The following SCGN variants were observed in gnomAD, a reference collection of about 807,000 sequenced individuals.
The protein encoded by SCGN is secretagogin, EF-hand calcium binding protein.
Under a neutral mutation model 39.7 loss-of-function variants are expected in SCGN, and 30 were observed. The observed-to-expected ratio is 0.76, with a 90% CI of 0.57 to 1.03. The LOEUF is 1.03. SCGN is among the 50% of genes least tolerant of loss of function. SCGN has a pLI of 0.00. For missense variants in SCGN, 353 were observed against 349.4 expected, an observed-to-expected ratio of 1.01 and a Z score of -0.08; for synonymous variants, 106 against 114.1, an observed-to-expected ratio of 0.93 and a Z score of 0.45.
intron 4 of SCGN, among the ~76,000 whole-genome samples, chr6:25,667,047 GA>G (rs1042126341): frequency 6.6e-6 from 1 of 151,958 alleles, no homozygotes; most frequent in African/African-American, 2.4e-5. Context: ...TGATAGAAAT[GA>G]AACACACAGA....
intron 4 of SCGN, among the ~76,000 whole-genome samples, chr6:25,669,098 G>C (rs1242210824): frequency 7.7e-6 from 1 of 130,654 alleles, no homozygotes; most frequent in African/African-American, 3.0e-5. Context: ...GCGACAGAGC[G>C]AGACTCCGTC....
At chr6:25,678,554 C>T (rs1759594476) in intron 6 of SCGN, among the ~76,000 whole-genome samples, 1 of 152,184 alleles carries the variant, frequency 6.6e-6, no homozygotes, top group Admixed American at 6.5e-5. Context: ...AGTCACCACA[C>T]CTCTCTGTGC....
Position 25,652,470 on chromosome 6 carries a change from C to G in SCGN, c.67C>G (p.Arg23Gly), listed in dbSNP as rs753222150. The G allele has an allele frequency of 3.1e-6, 5 of 1,613,864 alleles. No individual in the cohort carries two copies. Among genetic ancestry groups the G allele is most frequent in the Non-Finnish European group, 4.2e-6 (5 of 1,180,014 alleles). Residue 23 changes from arginine (R) to glycine (G), a missense_variant, in exon 1 of 11, where the codon CGC (arginine) becomes GGC (glycine). Transcript: ENST00000377961. Reference protein sequence around the residue: ...DAAGFWQVWQRFDADEKGYIE... With the variant: ...DAAGFWQVWQGFDADEKGYIE... The stretch of plus-strand genomic sequence containing the variant: ...CGCTGGCTTCTGGCAGGTCTGGCAG[C>G]GCTTTGATGCGGATGGTGAGTAGAA...
chr6:25,696,960 G>GT (rs1208989595), intron 10 of SCGN, among the ~76,000 whole-genome samples: 1 of 152,152 alleles, frequency 6.6e-6, no homozygotes, highest in Non-Finnish European at 1.5e-5. Flanking sequence ...ACAAAAGAAT[G>GT]TTTTTTGTTA....
At chr6:25,689,249 T>C (rs749389757) in intron 8 of SCGN, 32 bp downstream of exon 8, 1 of 1,478,556 alleles carries the variant, frequency 6.8e-7, no homozygotes, top group Non-Finnish European at 9.4e-7. Context: ...GATGGGTTTA[T>C]GTCATTGCTG....
chr6:25,661,406 G>A (rs1760334378), intron 2 of SCGN, 146 bp from the exon 3 acceptor site: 1 of 576,806 alleles, frequency 1.7e-6, no homozygotes, highest in East Asian at 3.0e-5. Flanking sequence ...TCTACAAAAG[G>A]GTAAAATCAC....
At chr6:25,677,460 G>A (rs543018561) in intron 6 of SCGN, among the ~76,000 whole-genome samples, 6 of 152,042 alleles carry the variant, frequency 3.9e-5, no homozygotes, top group African/African-American at 1.4e-4. Context: ...ATGGGAGGGG[G>A]GTTCTAAATC....
At chr6:25,674,467 AG>A (rs1322749288) in intron 6 of SCGN, among the ~76,000 whole-genome samples, 1 of 152,190 alleles carries the variant, frequency 6.6e-6, no homozygotes, top group Non-Finnish European at 1.5e-5. Flanking sequence ...TTAACTTTTT[AG>A]AAAATGACTT....
rs531164401 is a variant in SCGN at position 25,660,348 on chromosome 6, C to T, written c.154-1204C>T. Among the ~76,000 whole-genome samples the T allele has an allele frequency of 2.6e-5, 4 of 152,284 alleles. No individual in the cohort carries two copies. The East Asian group carries it at 7.7e-4, about 29-fold the overall frequency. ...TGGAAAGGAAGGCTGGACAAAGATG[C>T]CTTCCACCAGCCTGTGATGGAGGGC... On this transcript the variant is annotated intron_variant, in intron 2 of 10. Transcript: ENST00000377961.
chr6:25,664,937 C>T lies in SCGN; in HGVS notation c.247-6C>T, dbSNP rs1055284417. On this transcript the variant is annotated splice_region_variant and splice_polypyrimidine_tract_variant and intron_variant, in intron 3 of 10. Coordinates refer to ENST00000377961, the MANE Select transcript of SCGN (RefSeq NM_006998.4). ...TCCCTGACTGTTATTCTTTCTGTTC[C>T]TTCAGCTTGCTGGTATGTTCTTATC... The T allele has an allele frequency of 9.3e-6, 15 of 1,611,574 alleles. No homozygotes were observed. The highest frequency in any genetic ancestry group is 5.0e-5 in the Admixed American group (3 of 59,960).
chr6:25,678,607 T>C (rs1759595659), intron 6 of SCGN, among the ~76,000 whole-genome samples: 1 of 152,166 alleles, frequency 6.6e-6, no homozygotes, highest in Non-Finnish European at 1.5e-5. Flanking sequence ...CAGGACTGGC[T>C]CAGATATGGG....
At chr6:25,660,366 T>C (rs1052319344) in intron 2 of SCGN, among the ~76,000 whole-genome samples, 2 of 152,210 alleles carry the variant, frequency 1.3e-5, no homozygotes, top group East Asian at 1.9e-4. Context: ...CAGCCTGTGA[T>C]GGAGGGCAAA....
At chr6:25,673,770 G>T (rs1315516048) in intron 6 of SCGN, among the ~76,000 whole-genome samples, 1 of 152,164 alleles carries the variant, frequency 6.6e-6, no homozygotes, top group Non-Finnish European at 1.5e-5. Context: ...TGGCCCCTGT[G>T]TTAGGCCATT....
intron 6 of SCGN, among the ~76,000 whole-genome samples, chr6:25,672,058 T>G (rs1194296095): frequency 6.6e-6 from 1 of 152,186 alleles, no homozygotes; most frequent in African/African-American, 2.4e-5. Context: ...CCTCACCAAC[T>G]TTTTTCACCT....
At chr6:25,692,679 G>A (rs530541904) in intron 10 of SCGN, among the ~76,000 whole-genome samples, 1 of 152,318 alleles carries the variant, frequency 6.6e-6, no homozygotes, top group East Asian at 1.9e-4. Flanking sequence ...GGCATCCCAC[G>A]TCTTCGCCAG....
rs955420599 is a variant in SCGN, at chr6:25,701,404, A to G, written c.*69A>G. 3.8e-6 allele frequency: 6 copies of G among 1,561,390 alleles called. No homozygotes were observed. The highest frequency in any genetic ancestry group is 1.7e-4 in the Middle Eastern group (1 of 5,850). ...CTTGCTGGTAGAATTGTATCTGTGC[A>G]TTGATGTTGGGAACACAGTGGGCAA... On this transcript the variant is annotated 3_prime_UTR_variant, in exon 11 of 11. Transcript: ENST00000377961.
At chr6:25,665,094 A>G in intron 4 of SCGN, 62 bp downstream of exon 4, 1 of 1,315,440 alleles carries the variant, frequency 7.6e-7, no homozygotes, top group Non-Finnish European at 1.1e-6. Context: ...GATCTTAGCC[A>G]CCTGCTGTGG....
intron 10 of SCGN, among the ~76,000 whole-genome samples, chr6:25,700,652 C>CT (rs1268230029): frequency 3.9e-5 from 6 of 152,170 alleles, no homozygotes; most frequent in African/African-American, 1.4e-4. Context: ...TTTTGCAGGC[C>CT]TTTGAGCTTG....
chr6:25,689,485 G>C lies in SCGN; in HGVS notation c.586G>C (p.Glu196Gln). 6.2e-7 allele frequency: 1 copy of C among 1,613,506 alleles called. No homozygotes were observed. The highest frequency in any genetic ancestry group is 8.5e-7 in the Non-Finnish European group (1 of 1,179,444). The change falls in exon 9 of 11, where the codon GAA (glutamate) becomes CAA (glutamine). Residue 196 changes from glutamate (E) to glutamine (Q), a missense_variant. Coordinates refer to ENST00000377961, the MANE Select transcript of SCGN (RefSeq NM_006998.4). The stretch of plus-strand genomic sequence containing the variant: ...TTTCCTTACACAGGCTTGTTCTACT[G>C]AAGAAAGGAAAAGGGACTTTGAGAA... ...LQFKMDACST[E>Q]ERKRDFEKIF... is the part of the protein sequence containing the mutation.
Sources: allele counts gnomAD v4.1 joint callset (sites outside exome capture counted in the v4.1 genomes callset), GRCh38; gene constraint gnomAD v4.1.1; transcripts MANE v1.5; gene names NCBI Gene and HGNC (gene_info 2026-07-23, HGNC 2026-07-21).